ELF1: variants seen among roughly 807,000 people sequenced by gnomAD.
The protein encoded by ELF1 is E74 like ETS transcription factor 1.
In ELF1, 24 loss-of-function variants were observed where a neutral mutation model predicts 59.9. The ratio of observed to expected loss-of-function variants is 0.40; its 90% CI spans 0.29 to 0.56. ELF1 has a LOEUF of 0.56. Ranked by LOEUF, ELF1 falls within the 20% of genes least tolerant of loss-of-function variation. The pLI is 0.44. For missense variants in ELF1, 627 were observed against 742.2 expected (o/e 0.84, Z 1.80); for synonymous variants, 248 against 266.2 (o/e 0.93, Z 0.67).
At chr13:41,046,474 G>C (rs7988502) in intron 1 of ELF1, among the ~76,000 whole-genome samples, 1,876 of 152,310 alleles carry the variant, frequency 0.012, 25 homozygotes, top group African/African-American at 0.032. Flanking sequence ...TTGCAGCGCA[G>C]GCCTGGTGGT....
At chr13:40,968,754 C>T (rs1223508676) in intron 2 of ELF1, among the ~76,000 whole-genome samples, 1 of 149,526 alleles carries the variant, frequency 6.7e-6, no homozygotes, top group East Asian at 1.9e-4. Flanking sequence ...GGGTCTTGCT[C>T]CGTTGCCCAG....
At chr13:41,039,522 G>A (rs1337764096) in intron 1 of ELF1, among the ~76,000 whole-genome samples, 1 of 152,014 alleles carries the variant, frequency 6.6e-6, no homozygotes, top group African/African-American at 2.4e-5. Context: ...TGTGACAGTG[G>A]GCTCACTCTC....
At chr13:40,971,990 T>C (rs1362219538) in intron 2 of ELF1, among the ~76,000 whole-genome samples, 2 of 152,152 alleles carry the variant, frequency 1.3e-5, no homozygotes, top group African/African-American at 4.8e-5. Flanking sequence ...TGTAAATGTT[T>C]ACTTTACTTA....
At chr13:40,945,749 T>C (rs1232192498) in intron 5 of ELF1, among the ~76,000 whole-genome samples, 1 of 152,222 alleles carries the variant, frequency 6.6e-6, no homozygotes, top group African/African-American at 2.4e-5. Flanking sequence ...TGTTTCATAT[T>C]TTTTAATCCA....
chr13:40,963,328 A>G (rs553914762), intron 2 of ELF1, among the ~76,000 whole-genome samples: 1 of 152,336 alleles, frequency 6.6e-6, no homozygotes, highest in South Asian at 2.1e-4. Flanking sequence ...TGGAGGTATG[A>G]GTTTCACTAT....
At chr13:41,028,221 G>A (rs922086997) in intron 1 of ELF1, among the ~76,000 whole-genome samples, 1 of 152,192 alleles carries the variant, frequency 6.6e-6, no homozygotes, top group Admixed American at 6.5e-5. Flanking sequence ...TCATGCCTCT[G>A]AGTCAACATA....
At position 40,932,041 on chromosome 13, in the gene ELF1, A is replaced by G. The variant is rs1869441992; in HGVS notation, c.*1384T>C. 3 of 152,206 alleles carry G rather than the reference A, an allele frequency of 2.0e-5. No homozygotes were observed. Among genetic ancestry groups the G allele is most frequent in the Admixed American group, 2.0e-4 (3 of 15,284 alleles). The allele number at this position is 152,206 out of a possible 1,614,324, so 9.4% of individuals were successfully genotyped here. Reference sequence around the variant, plus strand: ...GAAAACAGACACTGAGAATTTTTATATGATTTATTTAATAATAAACCAATT... The same window carrying G: ...GAAAACAGACACTGAGAATTTTTATGTGATTTATTTAATAATAAACCAATT... On this transcript the variant is annotated 3_prime_UTR_variant, in exon 9 of 9. Transcript: ENST00000239882.
exon 1 of ELF1, chr13:41,060,864 C>A: frequency 6.0e-6 from 2 of 330,640 alleles, no homozygotes; most frequent in Non-Finnish European, 6.0e-6. Flanking sequence ...CCTCTGCCTC[C>A]TTCGCCGCAC....
chr13:41,000,114 G>A (rs1258650198), intron 1 of ELF1, among the ~76,000 whole-genome samples: 1 of 151,822 alleles, frequency 6.6e-6, no homozygotes, highest in African/African-American at 2.4e-5. Flanking sequence ...ACCTTTCTTC[G>A]TCACTGAAAT....
chr13:41,028,852 G>C (rs1010443169), intron 1 of ELF1, among the ~76,000 whole-genome samples: 1 of 152,148 alleles, frequency 6.6e-6, no homozygotes, highest in African/African-American at 2.4e-5. Context: ...TTAAGCCTCA[G>C]CCTCCCGAGT....
intron 1 of ELF1, among the ~76,000 whole-genome samples, chr13:41,011,003 T>C (rs1238554837): frequency 1.3e-5 from 2 of 152,330 alleles, no homozygotes; most frequent in Admixed American, 6.5e-5. Flanking sequence ...GAAGAATGTA[T>C]ATCTAGTTTA....
At chr13:41,044,545 G>C (rs1002962042) in intron 1 of ELF1, among the ~76,000 whole-genome samples, 2 of 152,206 alleles carry the variant, frequency 1.3e-5, no homozygotes, top group African/African-American at 4.8e-5. Context: ...CATCTATTGA[G>C]ATAATCATGT....
At chr13:40,946,206 A>G (rs1317291111) in intron 5 of ELF1, among the ~76,000 whole-genome samples, 12 of 152,184 alleles carry the variant, frequency 7.9e-5, no homozygotes. Flanking sequence ...TTCAACATTA[A>G]GTAGGATATT....
At chr13:41,041,325 T>G (rs1161512322) in intron 1 of ELF1, among the ~76,000 whole-genome samples, 1 of 150,432 alleles carries the variant, frequency 6.6e-6, no homozygotes, top group African/African-American at 2.5e-5. Context: ...ATTTTCAAAG[T>G]CTTTCTTTGC....
intron 2 of ELF1, among the ~76,000 whole-genome samples, chr13:40,966,402 T>G (rs922705245): frequency 1.3e-4 from 20 of 152,202 alleles, no homozygotes; most frequent in African/African-American, 4.8e-4. Flanking sequence ...GGAGCAATAA[T>G]AAAATTCAAA....
chr13:40,970,641 C>A (rs1047623211), intron 2 of ELF1, among the ~76,000 whole-genome samples: 1 of 152,176 alleles, frequency 6.6e-6, no homozygotes, highest in Non-Finnish European at 1.5e-5. Flanking sequence ...TGGATGTTAA[C>A]CTCCGTGCCA....
At position 41,015,278 on chromosome 13, in the gene ELF1, G is replaced by A. The variant is rs1045531107; in HGVS notation, c.-229+3950C>T. 6.6e-5 allele frequency among the ~76,000 whole-genome samples: 10 copies of A among 151,972 alleles called. No homozygotes were observed. In the East Asian group the frequency reaches 9.6e-4, roughly 15 times the overall value. ...GCCAATATGGCAGTAGGTTTCGGGG[G>A]TGGATCAGAGAAAAGGAAAGACGGA... On this transcript the variant is annotated intron_variant, in intron 1 of 8. Coordinates refer to ENST00000239882, the MANE Select transcript of ELF1 (RefSeq NM_172373.4).
chr13:40,981,412 T>G (rs1873263653), intron 2 of ELF1, among the ~76,000 whole-genome samples: 1 of 152,136 alleles, frequency 6.6e-6, no homozygotes, highest in African/African-American at 2.4e-5. Flanking sequence ...CTAGATCTTT[T>G]TTATGTACTG....
At chr13:41,020,796 T>TC (rs1484293047), upstream of ELF1, among the ~76,000 whole-genome samples, 3 of 152,020 alleles carry the variant, frequency 2.0e-5, no homozygotes, top group Non-Finnish European at 4.4e-5. Context: ...CCTGGAAAGT[T>TC]CCCCCCAGGT....
Sources: gnomAD v4.1 joint callset for allele counts (sites outside exome capture counted in the v4.1 genomes callset) on GRCh38, gnomAD v4.1.1 for gene constraint, MANE v1.5 for transcripts, NCBI Gene and HGNC (gene_info 2026-07-23, HGNC 2026-07-21) for gene names.